The following FAM124A variants were observed in gnomAD, a reference collection of about 807,000 sequenced individuals.
The protein encoded by FAM124A is family with sequence similarity 124 member A, also known as protein FAM124A.
Under a neutral mutation model 24.5 loss-of-function variants are expected in FAM124A, and 23 were observed. That is an observed-to-expected ratio of 0.94 (90% CI 0.68 to 1.33). The LOEUF is 1.33. Among genes scored for constraint, FAM124A ranks in the 40% most tolerant of loss-of-function variants. The pLI is 0.00. For synonymous variants in FAM124A, 287 were observed against 314.7 expected (o/e 0.91, Z 0.93); for missense variants, 623 against 722.8 (o/e 0.86, Z 1.58).
chr13:51,232,921 A>G (rs958417647), intron 2 of FAM124A, among the ~76,000 whole-genome samples: 2 of 152,266 alleles, frequency 1.3e-5, no homozygotes, highest in Middle Eastern at 6.8e-3. Context: ...TTTCCTCTCC[A>G]TTATTTTAAT....
intron 2 of FAM124A, among the ~76,000 whole-genome samples, chr13:51,247,472 G>C (rs1954575807): frequency 6.6e-6 from 1 of 152,188 alleles, no homozygotes; most frequent in Non-Finnish European, 1.5e-5. Flanking sequence ...GTAGAACATG[G>C]AGAAAGCACC....
rs1044563046 is a variant in FAM124A, at chr13:51,282,349, T to C, written c.*1093T>C. On this transcript the variant is annotated 3_prime_UTR_variant, in exon 4 of 4. Transcript: ENST00000322475. ...CTCTCCTGAACAAACACCAGTGCAC[T>C]GCCAGCCTCACATGATTGCATGGGA... is the stretch of plus-strand genomic sequence containing the variant. The C allele has an allele frequency of 1.3e-5, 2 of 152,234 alleles. 1 individual carries two copies. Among genetic ancestry groups the C allele is most frequent in the Admixed American group, 1.3e-4 (2 of 15,286 alleles). 9.4% of individuals were successfully genotyped at this position (152,234 alleles called of 1,614,324 possible). A position where few individuals can be genotyped will look rare whatever the true frequency, so the allele number is the denominator to read the frequency against.
At chr13:51,227,849 T>C (rs980138862) in intron 1 of FAM124A, among the ~76,000 whole-genome samples, 2 of 152,248 alleles carry the variant, frequency 1.3e-5, no homozygotes, top group Non-Finnish European at 2.9e-5. Context: ...GGACCTCCAA[T>C]TGATACTTCG....
chr13:51,276,532 C>T (rs1954887220), intron 3 of FAM124A, among the ~76,000 whole-genome samples: 2 of 152,302 alleles, frequency 1.3e-5, no homozygotes, highest in South Asian at 2.1e-4. Context: ...TTTTACAAAA[C>T]GTGTACGGGC....
At chr13:51,265,436 C>T (rs1031793401) in intron 3 of FAM124A, among the ~76,000 whole-genome samples, 7 of 151,944 alleles carry the variant, frequency 4.6e-5, no homozygotes, top group Non-Finnish European at 1.0e-4. Flanking sequence ...CTGGGGACAG[C>T]CCTACTCTAA....
At position 51,272,499 on chromosome 13, in the gene FAM124A, G is replaced by A. The variant is rs1382255966; in HGVS notation, c.835-7951G>A. Reference sequence around the variant, plus strand: ...AAGTTTGTACAGAAAGCAATTGACAGGAGTCGACAAATTAAAGACCACAGG... The same window carrying A: ...AAGTTTGTACAGAAAGCAATTGACAAGAGTCGACAAATTAAAGACCACAGG... On this transcript the variant is annotated intron_variant, in intron 3 of 3. Transcript: ENST00000322475. The surrounding 1 kb of genome is among the most constrained non-coding windows in gnomAD (Gnocchi z 4.2). Among the ~76,000 whole-genome samples the A allele has an allele frequency of 1.3e-5, 2 of 152,004 alleles. No individual in the cohort carries two copies. Among genetic ancestry groups the A allele is most frequent in the Non-Finnish European group, 2.9e-5 (2 of 67,998 alleles).
intron 2 of FAM124A, among the ~76,000 whole-genome samples, chr13:51,239,845 A>G (rs894259771): frequency 1.3e-5 from 2 of 152,176 alleles, no homozygotes; most frequent in Non-Finnish European, 2.9e-5. Flanking sequence ...GATAGATAGT[A>G]GGTTTTTTAA....
chr13:51,245,279 G>A, intron 2 of FAM124A: 1 of 626,130 alleles, frequency 1.6e-6, no homozygotes, highest in South Asian at 2.0e-5. Context: ...GTGAAAATCT[G>A]GCCGCCCCCC....
chr13:51,228,409 T>C (rs1954338699), intron 1 of FAM124A, among the ~76,000 whole-genome samples: 2 of 152,184 alleles, frequency 1.3e-5, no homozygotes, highest in Admixed American at 1.3e-4. Context: ...AATGTGTCTA[T>C]ATTTGTCAGG....
intron 3 of FAM124A, among the ~76,000 whole-genome samples, chr13:51,277,282 C>A (rs1954894065): frequency 1.4e-5 from 2 of 146,376 alleles, no homozygotes; most frequent in African/African-American, 5.2e-5. Flanking sequence ...ACAATGGGTA[C>A]ACATGGACAT....
At chr13:51,264,207 A>G (rs1954763362) in intron 3 of FAM124A, among the ~76,000 whole-genome samples, 1 of 152,238 alleles carries the variant, frequency 6.6e-6, no homozygotes, top group African/African-American at 2.4e-5. Context: ...AAGAGGAAAT[A>G]AATAAGAATT....
At chr13:51,265,315 G>C (rs377726066) in intron 3 of FAM124A, among the ~76,000 whole-genome samples, 12 of 152,130 alleles carry the variant, frequency 7.9e-5, no homozygotes, top group African/African-American at 2.9e-4. Flanking sequence ...GGAGGAGCTG[G>C]TACCCTTTGC....
chr13:51,245,925 T>A (rs567167588), intron 2 of FAM124A, among the ~76,000 whole-genome samples: 22 of 152,178 alleles, frequency 1.4e-4, no homozygotes, highest in African/African-American at 4.8e-4. Flanking sequence ...TTGGAAAAAA[T>A]ATATATATAA....
chr13:51,239,437 T>A (rs1209984607), intron 2 of FAM124A, among the ~76,000 whole-genome samples: 1 of 152,246 alleles, frequency 6.6e-6, no homozygotes. Context: ...TTTTATAGTC[T>A]AATTTTCTAA....
chr13:51,274,987 T>C (rs1187124038), intron 3 of FAM124A, among the ~76,000 whole-genome samples: 2 of 152,064 alleles, frequency 1.3e-5, no homozygotes. Flanking sequence ...TAATCAAGAG[T>C]GGCTTATTTT....
In FAM124A at chr13:51,251,983, T is replaced by G; in HGVS notation, c.616T>G (p.Cys206Gly). The change falls in exon 3 of 4, where the codon TGC (cysteine) becomes GGC (glycine). Residue 206 changes from cysteine (C) to glycine (G), a missense_variant. By Grantham distance (159) the Cys-to-Gly change is radical (BLOSUM62 -3). Transcript: ENST00000322475. This position sits in a 1 kb window ranked among gnomAD's most constrained non-coding sequence, Gnocchi z 5.3. Reference sequence around the variant, plus strand: ...CCCCAGCCAGAAGAAAGCGGACTTCTGCATCTTCCCTATTTTTTCCAACCT... The same window carrying G: ...CCCCAGCCAGAAGAAAGCGGACTTCGGCATCTTCCCTATTTTTTCCAACCT... The part of the protein sequence containing the change: ...RSPSQKKADF[C>G]IFPIFSNLDV... 1 of 1,614,270 alleles carries G rather than the reference T, an allele frequency of 6.2e-7. No individual in the cohort carries two copies.
intron 1 of FAM124A, among the ~76,000 whole-genome samples, chr13:51,228,442 GTAT>G (rs748548431): frequency 1.1e-4 from 16 of 152,204 alleles, no homozygotes; most frequent in Non-Finnish European, 1.8e-4. Context: ...CATAATTTTT[GTAT>G]TATTCTGCTC....
intron 2 of FAM124A, among the ~76,000 whole-genome samples, chr13:51,240,077 T>C (rs1313299668): frequency 1.3e-5 from 2 of 152,240 alleles, no homozygotes; most frequent in Non-Finnish European, 2.9e-5. Flanking sequence ...ACAGTTTCTA[T>C]CTTTGTTCAA....
chr13:51,234,106 G>A (rs729483), intron 2 of FAM124A, among the ~76,000 whole-genome samples: 49,098 of 152,042 alleles, frequency 0.32, 8,250 homozygotes, highest in East Asian at 0.6. Flanking sequence ...ATGATTCCTG[G>A]TTCCTGTTGG....
Sources: allele counts gnomAD v4.1 joint callset (sites outside exome capture counted in the v4.1 genomes callset), GRCh38; gene constraint gnomAD v4.1.1; non-coding constraint Gnocchi (gnomAD v3.1); transcripts MANE v1.5; gene names NCBI Gene and HGNC (gene_info 2026-07-23, HGNC 2026-07-21).